The following FBXL17 variants were observed in gnomAD, a reference collection of about 807,000 sequenced individuals.
FBXL17 encodes the protein F-box/LRR-repeat protein 17.
Under a neutral mutation model 66.2 loss-of-function variants are expected in FBXL17, and 22 were observed. The observed-to-expected ratio is 0.33, with a 90% CI of 0.24 to 0.47. The LOEUF (loss-of-function observed/expected upper bound fraction) is 0.47, where lower values mean the gene tolerates loss of function less well. Among genes scored for constraint, FBXL17 ranks in the 20% least tolerant of loss-of-function variants. The pLI, the probability that FBXL17 is intolerant of heterozygous loss-of-function variation, is 1.00. For missense variants in FBXL17, 878 were observed against 948.2 expected, an observed-to-expected ratio of 0.93 and a Z score of 0.97; for synonymous variants, 474 against 400.5, an observed-to-expected ratio of 1.18 and a Z score of -2.19.
intron 1 of FBXL17, among the ~76,000 whole-genome samples, chr5:108,378,392 T>C (rs945587167): frequency 6.6e-6 from 1 of 152,218 alleles, no homozygotes; most frequent in Non-Finnish European, 1.5e-5. Flanking sequence ...GCATAAAAGA[T>C]GAAGCAAAAG....
chr5:107,972,398 CTA>C (rs1469776354), intron 7 of FBXL17, among the ~76,000 whole-genome samples: 1 of 152,150 alleles, frequency 6.6e-6, no homozygotes, highest in Non-Finnish European at 1.5e-5. Context: ...TGGCTCGTTT[CTA>C]CCATCCAGTC....
chr5:107,982,525 C>T (rs550082981), intron 7 of FBXL17, among the ~76,000 whole-genome samples: 6 of 152,196 alleles, frequency 3.9e-5, no homozygotes, highest in East Asian at 3.9e-4. Context: ...CAAAACTTTC[C>T]GCTACTGAGA....
chr5:108,322,129 G>A (rs1394445666), intron 4 of FBXL17, among the ~76,000 whole-genome samples: 1 of 151,834 alleles, frequency 6.6e-6, no homozygotes, highest in Non-Finnish European at 1.5e-5. Flanking sequence ...TCTAAGGAAG[G>A]CAATCTGGCA....
intron 5 of FBXL17, 149 bp from the exon 6 acceptor site, chr5:108,186,396 T>C: frequency 1.6e-6 from 1 of 609,056 alleles, no homozygotes; most frequent in Non-Finnish European, 2.8e-6. Context: ...ATATTGTATA[T>C]GTAATATTTT....
At chr5:108,362,369 T>C (rs758700641) in intron 3 of FBXL17, among the ~76,000 whole-genome samples, 8 of 152,112 alleles carry the variant, frequency 5.3e-5, no homozygotes, top group Non-Finnish European at 1.2e-4. Context: ...GCATACAATT[T>C]CTTAGATATA....
intron 6 of FBXL17, among the ~76,000 whole-genome samples, chr5:108,123,200 C>G (rs1162459187): frequency 1.3e-5 from 2 of 151,668 alleles, no homozygotes; most frequent in Non-Finnish European, 2.9e-5. Flanking sequence ...TTGGCAAAAC[C>G]ATTTACAGGA....
intron 4 of FBXL17, among the ~76,000 whole-genome samples, chr5:108,242,809 CCATT>C (rs1755920733): frequency 6.6e-6 from 1 of 151,706 alleles, no homozygotes; most frequent in South Asian, 2.1e-4. Context: ...AACCATAATA[CCATT>C]ATTATATCTA....
In FBXL17 at chr5:107,960,656, T is replaced by C. The variant is rs116071242; in HGVS notation, c.1822+60269A>G. Reference sequence around the variant, plus strand: ...ATAATGTCCCATAGGTTAATCCATGTTGTCCCAAAGTAATTCAAAAAGGTT... The same window carrying C: ...ATAATGTCCCATAGGTTAATCCATGCTGTCCCAAAGTAATTCAAAAAGGTT... On this transcript the variant is annotated intron_variant, in intron 7 of 8. Coordinates refer to ENST00000542267, the MANE Select transcript of FBXL17 (RefSeq NM_001163315.3). Among the ~76,000 whole-genome samples the C allele has an allele frequency of 4.4e-3, 669 of 152,338 alleles. 2 individuals carry two copies. The highest frequency in any genetic ancestry group is 0.012 in the South Asian group (57 of 4,828).
intron 5 of FBXL17, among the ~76,000 whole-genome samples, chr5:108,200,038 T>TCC (rs1753825883): frequency 6.6e-6 from 1 of 151,742 alleles, no homozygotes. Flanking sequence ...ATCCCAAAGC[T>TCC]GAAGACACAA....
chr5:108,127,452 C>G (rs1750766646), intron 6 of FBXL17, among the ~76,000 whole-genome samples: 1 of 152,162 alleles, frequency 6.6e-6, no homozygotes, highest in Non-Finnish European at 1.5e-5. Flanking sequence ...TTCTCTTACT[C>G]ATATAAATAA....
intron 4 of FBXL17, among the ~76,000 whole-genome samples, chr5:108,268,901 T>A (rs1024697616): frequency 6.6e-6 from 1 of 152,068 alleles, no homozygotes; most frequent in African/African-American, 2.4e-5. Flanking sequence ...ACAAGTTTTA[T>A]GTGCCACAAG....
intron 6 of FBXL17, among the ~76,000 whole-genome samples, chr5:108,054,170 C>T (rs1386696219): frequency 6.6e-6 from 1 of 151,620 alleles, no homozygotes; most frequent in Non-Finnish European, 1.5e-5. Context: ...AGCAAACCAT[C>T]ATGGCACATG....
chr5:107,894,549 G>A (rs1463951987), intron 7 of FBXL17, among the ~76,000 whole-genome samples: 1 of 151,998 alleles, frequency 6.6e-6, no homozygotes, highest in African/African-American at 2.4e-5. Flanking sequence ...TCAGGCCGGG[G>A]GTAGGCATGT....
At chr5:107,927,310 G>A (rs1463575212) in intron 7 of FBXL17, among the ~76,000 whole-genome samples, 1 of 152,094 alleles carries the variant, frequency 6.6e-6, no homozygotes, top group Non-Finnish European at 1.5e-5. Context: ...CATGTTGCAT[G>A]CAATGGTGTA....
At chr5:107,888,777 G>C (rs1446045388) in intron 7 of FBXL17, among the ~76,000 whole-genome samples, 1 of 152,138 alleles carries the variant, frequency 6.6e-6, no homozygotes, top group Non-Finnish European at 1.5e-5. Flanking sequence ...GGCTATTACA[G>C]ATAATGCTGC....
intron 7 of FBXL17, among the ~76,000 whole-genome samples, chr5:108,000,151 CT>C (rs1210989609): frequency 6.6e-6 from 1 of 152,178 alleles, no homozygotes. Flanking sequence ...GTCTAGTAAG[CT>C]GTATAAATGA....
intron 4 of FBXL17, among the ~76,000 whole-genome samples, chr5:108,342,246 G>A (rs7711964): frequency 0.85 from 129,877 of 152,200 alleles, 55,704 homozygotes; most frequent in African/African-American, 0.94. Context: ...TCACAAAAAT[G>A]TAAAACACTA....
chr5:108,029,399 T>C (rs1481567749), intron 6 of FBXL17, among the ~76,000 whole-genome samples: 3 of 152,112 alleles, frequency 2.0e-5, no homozygotes, highest in Non-Finnish European at 2.9e-5. Context: ...CTTAGCCAGA[T>C]TGTACTCTGA....
intron 7 of FBXL17, among the ~76,000 whole-genome samples, chr5:107,922,778 T>G (rs1750368307): frequency 6.6e-6 from 1 of 152,094 alleles, no homozygotes; most frequent in Non-Finnish European, 1.5e-5. Flanking sequence ...ACTTTCAATC[T>G]CAATTACCCA....
Sources: gnomAD v4.1 joint callset for allele counts (sites outside exome capture counted in the v4.1 genomes callset) on GRCh38, gnomAD v4.1.1 for gene constraint, MANE v1.5 for transcripts, NCBI Gene and HGNC (gene_info 2026-07-23, HGNC 2026-07-21) for gene names.